CFTR: variants seen among roughly 807,000 people sequenced by gnomAD.
The protein encoded by CFTR is CF transmembrane conductance regulator.
CFTR carries 181 observed loss-of-function variants against 171.6 expected under a neutral mutation model. The observed-to-expected ratio is 1.05, with a 90% CI of 0.93 to 1.19. The LOEUF is 1.19. Ranked by LOEUF, CFTR falls within the 50% of genes most tolerant of loss-of-function variation. The pLI is 0.00. For synonymous variants in CFTR, 583 were observed against 608.0 expected, an observed-to-expected ratio of 0.96 and a Z score of 0.60; for missense variants, 1,968 against 1,734.7, an observed-to-expected ratio of 1.13 and a Z score of -2.39.
At chr7:117,628,048 A>G (rs1425806805) in intron 22 of CFTR, 5 of 274,378 alleles carry the variant, frequency 1.8e-5, no homozygotes, top group Non-Finnish European at 3.4e-5. Flanking sequence ...CATTAAATAA[A>G]TCAAAATTGT....
chr7:117,551,753 G>T (rs1799274613), intron 10 of CFTR, among the ~76,000 whole-genome samples: 1 of 152,156 alleles, frequency 6.6e-6, no homozygotes, highest in African/African-American at 2.4e-5. Context: ...TGCATCACTG[G>T]ATGCCCTTGA....
At chr7:117,557,038 TA>T (rs1294502250) in intron 10 of CFTR, among the ~76,000 whole-genome samples, 1 of 152,100 alleles carries the variant, frequency 6.6e-6, no homozygotes, top group East Asian at 1.9e-4. Context: ...GTTTTTGAGT[TA>T]GATGTTTGAC....
At chr7:117,583,583 A>C (rs1401553551) in intron 11 of CFTR, among the ~76,000 whole-genome samples, 1 of 151,450 alleles carries the variant, frequency 6.6e-6, no homozygotes, top group Non-Finnish European at 1.5e-5. Flanking sequence ...ATTGATAGGC[A>C]TTTAGGTTGG....
chr7:117,655,888 T>C (rs1404640224), intron 24 of CFTR, among the ~76,000 whole-genome samples: 2 of 151,836 alleles, frequency 1.3e-5, no homozygotes, highest in African/African-American at 4.8e-5. Flanking sequence ...GGCAGAAGAG[T>C]GGGCAGGCTA....
intron 22 of CFTR, among the ~76,000 whole-genome samples, chr7:117,640,479 C>T (rs1792894859): frequency 6.6e-6 from 1 of 152,118 alleles, no homozygotes; most frequent in Non-Finnish European, 1.5e-5. Context: ...GGACATTTAT[C>T]TAATCCTCAT....
chr7:117,560,887 T>G (rs1179982849), intron 11 of CFTR: 1 of 152,060 alleles, frequency 6.6e-6, no homozygotes, highest in East Asian at 1.9e-4. Flanking sequence ...GTTGTAGCAG[T>G]GGTAGTGCCT....
chr7:117,638,364 G>T (rs1047351025), intron 22 of CFTR, among the ~76,000 whole-genome samples: 3 of 152,080 alleles, frequency 2.0e-5, no homozygotes, highest in Non-Finnish European at 2.9e-5. Context: ...TGTTTAGCAT[G>T]TTACCTATCT....
chr7:117,612,047 A>ATATATG (rs1792412875), intron 20 of CFTR, among the ~76,000 whole-genome samples: 1 of 75,984 alleles, frequency 1.3e-5, no homozygotes, highest in African/African-American at 6.0e-5. Flanking sequence ...ATATATATAT[A>ATATATG]TATATACATA....
rs1226818596 is a variant in CFTR at position 117,644,079 on chromosome 7, C to T, written c.3873+1486C>T. Among the ~76,000 whole-genome samples, 3 of 151,048 alleles carry T rather than the reference C, an allele frequency of 2.0e-5. No individual in the cohort carries two copies. The East Asian group carries it at 5.8e-4, about 29-fold the overall frequency. ...GTTTGTCTTTTTTTTTTCATTTCCA[C>T]TCTTCTATGGTTTCTAGCATTATAT... On this transcript the variant is annotated intron_variant, in intron 23 of 26. Transcript: ENST00000003084.
chr7:117,651,967 A>G (rs1472629242), intron 23 of CFTR, among the ~76,000 whole-genome samples: 2 of 152,206 alleles, frequency 1.3e-5, no homozygotes, highest in Admixed American at 1.3e-4. Flanking sequence ...GCAAAAGAAA[A>G]AAAGGGTAAA....
intron 9 of CFTR, among the ~76,000 whole-genome samples, chr7:117,546,097 G>A (rs1448571396): frequency 6.6e-6 from 1 of 152,014 alleles, no homozygotes. Flanking sequence ...GGGTTCAAGC[G>A]ATTCTCCTGC....
intron 10 of CFTR, among the ~76,000 whole-genome samples, chr7:117,553,537 G>A (rs1799305071): frequency 6.6e-6 from 1 of 152,150 alleles, no homozygotes; most frequent in South Asian, 2.1e-4. Flanking sequence ...TCTAAATAGA[G>A]TGCTGATTTC....
At chr7:117,513,328 G>T (rs1053726810) in intron 3 of CFTR, among the ~76,000 whole-genome samples, 1 of 151,698 alleles carries the variant, frequency 6.6e-6, no homozygotes, top group Admixed American at 6.6e-5. Flanking sequence ...AGCAAAGGGG[G>T]TCTTGTTTTG....
intron 1 of CFTR, among the ~76,000 whole-genome samples, chr7:117,494,574 T>C (rs1370425200): frequency 6.6e-6 from 1 of 152,094 alleles, no homozygotes; most frequent in Non-Finnish European, 1.5e-5. Flanking sequence ...ATAACAATGA[T>C]GGCTCGGAAA....
chr7:117,661,134 A>G (rs1341720558), intron 24 of CFTR, among the ~76,000 whole-genome samples: 1 of 152,222 alleles, frequency 6.6e-6, no homozygotes, highest in Non-Finnish European at 1.5e-5. Flanking sequence ...CATGTCTGGC[A>G]GAAAATAGAT....
chr7:117,602,521 G>T (rs970216471), intron 15 of CFTR, among the ~76,000 whole-genome samples: 3 of 152,224 alleles, frequency 2.0e-5, no homozygotes, highest in South Asian at 4.1e-4. Context: ...AAAACATTCA[G>T]CTGTGATCTT....
chr7:117,636,563 G>T (rs1456799073), intron 22 of CFTR, among the ~76,000 whole-genome samples: 2 of 151,166 alleles, frequency 1.3e-5, no homozygotes, highest in African/African-American at 4.9e-5. Flanking sequence ...CGCTGTTTTG[G>T]ATATTCTGTT....
rs2116227073 is a variant in CFTR, at chr7:117,667,186, G to T, written c.*78G>T. 1 of 1,303,200 alleles carries T rather than the reference G, an allele frequency of 7.7e-7. No individual in the cohort carries two copies. Among genetic ancestry groups the T allele is most frequent in the Non-Finnish European group, 1.1e-6 (1 of 909,218 alleles). The allele number at this position is 1,303,200 out of a possible 1,614,324, so 80.7% of individuals were successfully genotyped here. ...GGGACAGTCACCTCATGGAATTGGA[G>T]CTCGTGGAACAGTTACCTCTGCCTC... On this transcript the variant is annotated 3_prime_UTR_variant, in exon 27 of 27. Coordinates refer to ENST00000003084, the MANE Select transcript of CFTR (RefSeq NM_000492.4).
chr7:117,635,910 C>T (rs1031005487), intron 22 of CFTR, among the ~76,000 whole-genome samples: 4 of 151,976 alleles, frequency 2.6e-5, no homozygotes, highest in African/African-American at 9.7e-5. Context: ...AAAAATAGTT[C>T]TAATTTTATT....
Sources: gnomAD v4.1 joint callset for allele counts (sites outside exome capture counted in the v4.1 genomes callset) on GRCh38, gnomAD v4.1.1 for gene constraint, MANE v1.5 for transcripts, NCBI Gene and HGNC (gene_info 2026-07-23, HGNC 2026-07-21) for gene names.